The following SLC4A10 variants were observed in gnomAD, a reference collection of about 807,000 sequenced individuals.
SLC4A10 encodes the protein solute carrier family 4 member 10, also known as sodium-driven chloride bicarbonate exchanger.
In SLC4A10, 42 loss-of-function variants were observed where a neutral mutation model predicts 137.7. The observed-to-expected ratio is 0.30, with a 90% CI of 0.24 to 0.39. The LOEUF is 0.39. Among genes scored for constraint, SLC4A10 ranks in the 10% least tolerant of loss-of-function variants. The probability of loss-of-function intolerance (pLI) is 1.00; values close to 1 mark genes in which losing one functional copy is unlikely to be tolerated. For missense variants in SLC4A10, 925 were observed against 1,355.0 expected (o/e 0.68, Z 4.98); for synonymous variants, 474 against 464.1 (o/e 1.02, Z -0.27).
chr2:161,953,777 G>A (rs1695203161), intron 19 of SLC4A10, among the ~76,000 whole-genome samples: 1 of 152,120 alleles, frequency 6.6e-6, no homozygotes, highest in South Asian at 2.1e-4. Flanking sequence ...AGTGAAAGAA[G>A]AGGCAAATAC....
chr2:161,856,638 A>C (rs911769255), intron 5 of SLC4A10, among the ~76,000 whole-genome samples: 1 of 152,168 alleles, frequency 6.6e-6, no homozygotes, highest in Admixed American at 6.5e-5. Context: ...TTAGCTATCC[A>C]GCTCAATTTC....
intron 1 of SLC4A10, among the ~76,000 whole-genome samples, chr2:161,649,582 C>T (rs184493306): frequency 5.9e-4 from 90 of 152,022 alleles, no homozygotes; most frequent in African/African-American, 1.8e-3. Context: ...TTTCAAATCT[C>T]ATTTTCTAGG....
chr2:161,649,729 G>A (rs1383283726), intron 1 of SLC4A10, among the ~76,000 whole-genome samples: 1 of 151,618 alleles, frequency 6.6e-6, no homozygotes, highest in East Asian at 1.9e-4. Flanking sequence ...TTTTAGTCAA[G>A]TTCAAAAATA....
At chr2:161,874,140 G>T (rs2061324035) in intron 8 of SLC4A10, 135 bp downstream of exon 8, 1 of 885,110 alleles carries the variant, frequency 1.1e-6, no homozygotes, top group East Asian at 2.8e-5. Context: ...TTAAAGCATT[G>T]CATCTTCATT....
At chr2:161,651,855 G>A (rs144143397) in intron 1 of SLC4A10, among the ~76,000 whole-genome samples, 1,799 of 152,236 alleles carry the variant, frequency 0.012, 12 homozygotes, top group Non-Finnish European at 0.018. Flanking sequence ...GGCTGGTTGC[G>A]CAAGCCGAGT....
At chr2:161,690,979 A>G (rs1301736689) in intron 1 of SLC4A10, among the ~76,000 whole-genome samples, 1 of 152,102 alleles carries the variant, frequency 6.6e-6, no homozygotes, top group Non-Finnish European at 1.5e-5. Flanking sequence ...AAGAAATTTG[A>G]AAGTGGTGAT....
chr2:161,717,432 C>T (rs2045055072), intron 1 of SLC4A10, among the ~76,000 whole-genome samples: 1 of 152,154 alleles, frequency 6.6e-6, no homozygotes, highest in Non-Finnish European at 1.5e-5. Context: ...GTGAGTTTGT[C>T]ATAAATGGCT....
At chr2:161,938,433 A>G (rs1030903690) in intron 15 of SLC4A10, among the ~76,000 whole-genome samples, 2 of 152,026 alleles carry the variant, frequency 1.3e-5, no homozygotes, top group Non-Finnish European at 2.9e-5. Flanking sequence ...GTGAGGATTC[A>G]TTACATGCAA....
chr2:161,741,977 A>G (rs890023934), intron 1 of SLC4A10, among the ~76,000 whole-genome samples: 3 of 152,060 alleles, frequency 2.0e-5, no homozygotes, highest in African/African-American at 4.8e-5. Flanking sequence ...CCCCTTACCT[A>G]CTACATTTTC....
chr2:161,690,821 A>G (rs1331962935), intron 1 of SLC4A10, among the ~76,000 whole-genome samples: 2 of 151,924 alleles, frequency 1.3e-5, no homozygotes, highest in African/African-American at 4.8e-5. Flanking sequence ...CATCAGGAAA[A>G]ATAGCTAATA....
chr2:161,641,933 G>A (rs1334139981), intron 1 of SLC4A10, among the ~76,000 whole-genome samples: 1 of 151,948 alleles, frequency 6.6e-6, no homozygotes. Flanking sequence ...CTTGAATGCT[G>A]CTTTAAAAAA....
At chr2:161,836,506 A>AGGAAG (rs1220131672) in intron 3 of SLC4A10, among the ~76,000 whole-genome samples, 4 of 139,666 alleles carry the variant, frequency 2.9e-5, no homozygotes, top group African/African-American at 1.1e-4. Context: ...AAGGAAGAAA[A>AGGAAG]AGAAAGAAAG....
chr2:161,754,913 G>A (rs955234107), intron 1 of SLC4A10, among the ~76,000 whole-genome samples: 1 of 152,014 alleles, frequency 6.6e-6, no homozygotes, highest in African/African-American at 2.4e-5. Context: ...ACTACTACCT[G>A]CTCAATGTTA....
chr2:161,957,949 C>T (rs932762946), intron 20 of SLC4A10, among the ~76,000 whole-genome samples: 2 of 151,936 alleles, frequency 1.3e-5, no homozygotes, highest in Non-Finnish European at 2.9e-5. Flanking sequence ...ACACAAGTAC[C>T]TTTGCAAGAA....
intron 3 of SLC4A10, among the ~76,000 whole-genome samples, chr2:161,827,568 CT>C (rs761178757): frequency 1.5e-3 from 216 of 145,774 alleles, no homozygotes; most frequent in Middle Eastern, 3.6e-3. Flanking sequence ...TTATGTGATT[CT>C]TTTTTTTTTT....
intron 26 of SLC4A10, among the ~76,000 whole-genome samples, chr2:161,979,675 T>C (rs938110190): frequency 1.3e-5 from 2 of 152,178 alleles, no homozygotes; most frequent in African/African-American, 4.8e-5. Flanking sequence ...TGTTAAAGGC[T>C]TTAAAGCATC....
At chr2:161,877,335 A>G (rs1019895745) in intron 8 of SLC4A10, among the ~76,000 whole-genome samples, 1 of 152,034 alleles carries the variant, frequency 6.6e-6, no homozygotes, top group Non-Finnish European at 1.5e-5. Flanking sequence ...AATTTTGTTC[A>G]GTATATTTAT....
chr2:161,730,610 T>A (rs758739635), intron 1 of SLC4A10, among the ~76,000 whole-genome samples: 1 of 152,204 alleles, frequency 6.6e-6, no homozygotes, highest in East Asian at 1.9e-4. Context: ...TAGTTAGGTC[T>A]CTGTCCTGAA....
chr2:161,786,687 G>A (rs1287547023), intron 2 of SLC4A10, among the ~76,000 whole-genome samples: 2 of 149,888 alleles, frequency 1.3e-5, no homozygotes, highest in African/African-American at 2.5e-5. Context: ...AGTATTGTTA[G>A]CTAGTTGCTT....
Sources: gnomAD v4.1 joint callset for allele counts (sites outside exome capture counted in the v4.1 genomes callset) on GRCh38, gnomAD v4.1.1 for gene constraint, MANE v1.5 for transcripts, NCBI Gene and HGNC (gene_info 2026-07-23, HGNC 2026-07-21) for gene names.